RPGRIP1L: variants seen among roughly 807,000 people sequenced by gnomAD.
RPGRIP1L encodes the protein RPGRIP1 like, also known as protein fantom.
Under a neutral mutation model 160.4 loss-of-function variants are expected in RPGRIP1L, and 131 were observed. That is an observed-to-expected ratio of 0.82 (90% CI 0.71 to 0.94). The LOEUF (loss-of-function observed/expected upper bound fraction) is 0.94, where lower values mean the gene tolerates loss of function less well. Ranked by LOEUF, RPGRIP1L falls within the 40% of genes least tolerant of loss-of-function variation. The pLI is 0.00. For missense variants in RPGRIP1L, 1,522 were observed against 1,535.8 expected (o/e 0.99, Z 0.15); for synonymous variants, 510 against 515.8 (o/e 0.99, Z 0.15).
Position 53,636,529 on chromosome 16 carries a change from A to G in RPGRIP1L, c.3221-17T>C. On this transcript the variant is annotated splice_polypyrimidine_tract_variant and intron_variant, in intron 21 of 26. Transcript: ENST00000647211. ...CCTCTTCAACTGTTTAAAAAATAAA[A>G]GGGTAACATTTACACAAGTTAAACC... 1 of 1,584,636 alleles carries G rather than the reference A, an allele frequency of 6.3e-7. No individual in the cohort carries two copies. The highest frequency in any genetic ancestry group is 8.7e-7 in the Non-Finnish European group (1 of 1,153,688).
Position 53,645,838 on chromosome 16 carries a change from C to T in RPGRIP1L, c.2470G>A (p.Asp824Asn). ...YVVYKFFDFA[D>N]HDTAIIPSSN... ...CTGGGAATGATAGCTGTATCATGGT[C>T]TGCAAAATCAAAAAACTTGTACACA... The change falls in exon 17 of 27, where the codon GAC becomes AAC. Residue 824 changes from aspartate (D) to asparagine (N), a missense_variant. Coordinates refer to ENST00000647211, the MANE Select transcript of RPGRIP1L (RefSeq NM_015272.5). The T allele has an allele frequency of 1.2e-6, 2 of 1,614,082 alleles. No homozygotes were observed. The highest frequency in any genetic ancestry group is 1.7e-6 in the Non-Finnish European group (2 of 1,179,982).
In RPGRIP1L at chr16:53,641,423, A is replaced by T. The variant is rs757231705; in HGVS notation, c.2736T>A (p.Val912=). 1.9e-6 allele frequency: 3 copies of T among 1,613,944 alleles called. No homozygotes were observed. Among genetic ancestry groups the T allele is most frequent in the Non-Finnish European group, 2.5e-6 (3 of 1,179,830 alleles). The part of the protein sequence containing the change: ...HQKHPAGTIH[V]ILKWKFAYLP... Reference sequence around the variant, plus strand: ...GGTAAGCAAATTTCCATTTCAATATAACATGGATGGTGCCAGCAGGATGCT... The same window carrying T: ...GGTAAGCAAATTTCCATTTCAATATTACATGGATGGTGCCAGCAGGATGCT... The change falls in exon 18 of 27, where the codon GTT becomes GTA. Residue 912 remains valine (V), a synonymous_variant. Transcript: ENST00000647211.
chr16:53,633,613 A>T (rs144808910), intron 22 of RPGRIP1L, among the ~76,000 whole-genome samples: 1 of 152,274 alleles, frequency 6.6e-6, no homozygotes, highest in Admixed American at 6.5e-5. Flanking sequence ...CGTAGATTAG[A>T]TAACAATATT....
chr16:53,604,400 A>G (rs1045337943), intron 26 of RPGRIP1L, among the ~76,000 whole-genome samples: 2 of 152,250 alleles, frequency 1.3e-5, no homozygotes, highest in Admixed American at 6.5e-5. Context: ...CAAGTCATGC[A>G]CATTTTTCCA....
chr16:53,641,574 C>CTAG, intron 17 of RPGRIP1L, 99 bp from the exon 18 acceptor site: 1 of 1,107,132 alleles, frequency 9.0e-7, no homozygotes, highest in South Asian at 1.3e-5. Flanking sequence ...GAGACTCATG[C>CTAG]TCTACCATGT....
Position 53,619,077 on chromosome 16 carries a change from C to A in RPGRIP1L, c.3564G>T (p.Val1188=). The A allele has an allele frequency of 6.2e-7, 1 of 1,614,118 alleles. No homozygotes were observed. Among genetic ancestry groups the A allele is most frequent in the Non-Finnish European group, 8.5e-7 (1 of 1,180,024 alleles). ...GCCCACTCTTGGGTTTTGGAAGTGA[C>A]ACGGGTGTCTCTTCAGCAGGAAGAC... ...FYSLPAEETP[V]SLPKPKSGQW... Residue 1188 remains valine (V), a synonymous_variant, in exon 24 of 27, where the codon GTG becomes GTT. Coordinates refer to ENST00000647211, the MANE Select transcript of RPGRIP1L (RefSeq NM_015272.5).
intron 2 of RPGRIP1L, among the ~76,000 whole-genome samples, chr16:53,697,570 G>C (rs1970883802): frequency 6.6e-6 from 1 of 152,198 alleles, no homozygotes; most frequent in Non-Finnish European, 1.5e-5. Flanking sequence ...CGCTGTGTTG[G>C]CCGGGCTGGT....
At chr16:53,674,272 C>A (rs1423021165) in intron 7 of RPGRIP1L, among the ~76,000 whole-genome samples, 1 of 152,064 alleles carries the variant, frequency 6.6e-6, no homozygotes, top group African/African-American at 2.4e-5. Flanking sequence ...AATCTACTGC[C>A]CTCCTTGTCT....
chr16:53,688,899 TA>T (rs1321312508), intron 4 of RPGRIP1L, among the ~76,000 whole-genome samples: 2 of 152,134 alleles, frequency 1.3e-5, no homozygotes, highest in East Asian at 3.9e-4. Context: ...AACATTAAAA[TA>T]GTTTACTGTG....
intron 22 of RPGRIP1L, among the ~76,000 whole-genome samples, chr16:53,627,935 A>G (rs1230098524): frequency 6.6e-6 from 1 of 152,166 alleles, no homozygotes; most frequent in Non-Finnish European, 1.5e-5. Flanking sequence ...TTTATGTTAC[A>G]TTGTTTACAA....
intron 16 of RPGRIP1L, among the ~76,000 whole-genome samples, chr16:53,647,497 AG>A (rs1023885782): frequency 3.3e-5 from 5 of 152,310 alleles, no homozygotes; most frequent in South Asian, 2.1e-4. Context: ...GGCTGCCTAC[AG>A]CCCCCAATTT....
chr16:53,644,364 T>C (rs916289883), intron 17 of RPGRIP1L, among the ~76,000 whole-genome samples: 6 of 151,698 alleles, frequency 4.0e-5, no homozygotes, highest in African/African-American at 1.5e-4. Context: ...TACCAGCATA[T>C]GGTACATGTA....
intron 22 of RPGRIP1L, among the ~76,000 whole-genome samples, chr16:53,630,912 T>A (rs1371143641): frequency 1.3e-5 from 2 of 152,054 alleles, no homozygotes; most frequent in Non-Finnish European, 2.9e-5. Context: ...TTTGTATTTT[T>A]AGTAGAGACA....
chr16:53,625,079 A>C (rs1965003344), intron 22 of RPGRIP1L, among the ~76,000 whole-genome samples: 1 of 152,166 alleles, frequency 6.6e-6, no homozygotes, highest in African/African-American at 2.4e-5. Flanking sequence ...AATGTTGCCC[A>C]GGCTGGAGTG....
rs75455576 is a variant in RPGRIP1L, at chr16:53,679,319, A to G, written c.777-4197T>C. 4.7e-3 allele frequency among the ~76,000 whole-genome samples: 716 copies of G among 152,288 alleles called. 5 individuals are homozygous for G. Among genetic ancestry groups the G allele is most frequent in the African/African-American group, 0.016 (668 of 41,566 alleles). ...ACAGGAAGAACTCAAATCCTGGCTCATCTTCTTATAGGGACCATTTTTACG... is the reference window on the plus strand; with the variant it reads ...ACAGGAAGAACTCAAATCCTGGCTCGTCTTCTTATAGGGACCATTTTTACG... On this transcript the variant is annotated intron_variant, in intron 6 of 26. Transcript: ENST00000647211.
intron 6 of RPGRIP1L, among the ~76,000 whole-genome samples, chr16:53,685,706 G>A (rs934147662): frequency 2.6e-5 from 4 of 152,080 alleles, no homozygotes; most frequent in Middle Eastern, 3.4e-3. Flanking sequence ...GGGGCCTGTC[G>A]GAGGGTGAGG....
chr16:53,700,497 A>C, intron 2 of RPGRIP1L, 142 bp downstream of exon 2: 1 of 723,250 alleles, frequency 1.4e-6, no homozygotes, highest in Non-Finnish European at 2.5e-6. Context: ...TGTGTTCTAA[A>C]CTCTCCATCT....
chr16:53,680,463 T>C (rs559735212), intron 6 of RPGRIP1L, among the ~76,000 whole-genome samples: 2 of 151,958 alleles, frequency 1.3e-5, no homozygotes, highest in South Asian at 4.1e-4. Context: ...TGGGGGACCA[T>C]TTGAGAACAA....
chr16:53,625,238 T>C (rs1965020239), intron 22 of RPGRIP1L, among the ~76,000 whole-genome samples: 1 of 151,144 alleles, frequency 6.6e-6, no homozygotes, highest in South Asian at 2.1e-4. Context: ...GTCTGGGAAG[T>C]GAGGAGCCCC....
Sources: gnomAD v4.1 joint callset for allele counts (sites outside exome capture counted in the v4.1 genomes callset) on GRCh38, gnomAD v4.1.1 for gene constraint, MANE v1.5 for transcripts, NCBI Gene and HGNC (gene_info 2026-07-23, HGNC 2026-07-21) for gene names.